Variants in AHNAK observed in about 807,000 individuals in gnomAD.
AHNAK encodes the protein neuroblast differentiation-associated protein AHNAK.
AHNAK carries 23 observed loss-of-function variants against 37.8 expected under a neutral mutation model. That is an observed-to-expected ratio of 0.61 (90% CI 0.44 to 0.86). The LOEUF (loss-of-function observed/expected upper bound fraction) is 0.86. AHNAK is among the 40% of genes least tolerant of loss of function. The pLI, the probability that AHNAK is intolerant of heterozygous loss-of-function variation, is 0.00. For missense variants in AHNAK, 7,411 were observed against 7,319.4 expected (o/e 1.01, Z -0.46); for synonymous variants, 2,481 against 2,636.3 (o/e 0.94, Z 1.80).
At position 62,531,625 on chromosome 11, in the gene AHNAK, C is replaced by T; in HGVS notation, c.2792G>A (p.Gly931Asp). The T allele has an allele frequency of 6.2e-7, 1 of 1,613,212 alleles. No individual in the cohort carries two copies. Among genetic ancestry groups the T allele is most frequent in the Non-Finnish European group, 8.5e-7 (1 of 1,179,830 alleles). The stretch of plus-strand genomic sequence containing the variant: ...CATCTCTGGCATCTTGAACTTGGGG[C>T]CCTTCAGCTTTCCTTCAGGTCCTTC... ...NIEGPEGKLK[G>D]PKFKMPEMNI... The change falls in exon 5 of 5, where the codon GGC becomes GAC. Residue 931 changes from glycine (G) to aspartate (D), a missense_variant. Transcript: ENST00000378024.
chr11:62,524,951 G>T lies in AHNAK; in HGVS notation c.9466C>A (p.Pro3156Thr), dbSNP rs755003462. The change falls in exon 5 of 5, where the codon CCC (proline) becomes ACC (threonine). Residue 3156 changes from proline to threonine, a missense_variant. Physicochemically the swap from Pro to Thr is conservative, Grantham distance 38 (BLOSUM62 -1). Transcript: ENST00000378024. ...WHLKMPKIKM[P>T]KISMPGFKGE... ...TTGAAGCCAGGCATGCTGATCTTGG[G>T]CATTTTTATTTTAGGCATCTTCAGG... 1 of 1,613,758 alleles carries T rather than the reference G, an allele frequency of 6.2e-7. No individual in the cohort carries two copies. The highest frequency in any genetic ancestry group is 1.1e-5 in the South Asian group (1 of 91,062).
At position 62,529,115 on chromosome 11, in the gene AHNAK, T is replaced by C. The variant is rs1940626339; in HGVS notation, c.5302A>G (p.Lys1768Glu). Residue 1768 changes from lysine (K) to glutamate (E), a missense_variant, in exon 5 of 5, where the codon AAA becomes GAA. By Grantham distance (56) the Lys-to-Glu change is moderately conservative (BLOSUM62 1). Transcript: ENST00000378024. ...ATATTCAACTTGGGCATCTTAAATTTGGAGCCTTTCAACTTTCCTTCTGGT... is the reference window on the plus strand; with the variant it reads ...ATATTCAACTTGGGCATCTTAAATTCGGAGCCTTTCAACTTTCCTTCTGGT... ...EGPEGKLKGS[K>E]FKMPKLNIKA... 3 of 1,614,060 alleles carry C rather than the reference T, an allele frequency of 1.9e-6. No individual in the cohort carries two copies. Among genetic ancestry groups the C allele is most frequent in the East Asian group, 2.2e-5 (1 of 44,884 alleles).
Position 62,521,608 on chromosome 11 carries a change from T to C in AHNAK, c.12809A>G (p.Lys4270Arg). 1 of 1,612,652 alleles carries C rather than the reference T, an allele frequency of 6.2e-7. No homozygotes were observed. The highest frequency in any genetic ancestry group is 8.5e-7 in the Non-Finnish European group (1 of 1,179,708). Reference sequence around the variant, plus strand: ...GGAAACATCCACATCACCCTTCACCTTGGGACCTTTCAGATGCAAATCAAA... The same window carrying C: ...GGAAACATCCACATCACCCTTCACCCTGGGACCTTTCAGATGCAAATCAAA... ...PDFDLHLKGP[K>R]VKGDVDVSLP... Residue 4270 changes from lysine (K) to arginine (R), a missense_variant, in exon 5 of 5, where the codon AAG (lysine) becomes AGG (arginine). By Grantham distance (26) the Lys-to-Arg change is conservative. Transcript: ENST00000378024.
At position 62,433,855 on chromosome 11, in the gene AHNAK, A is replaced by G. The variant is rs777639096; in HGVS notation, c.*29T>C. 30 of 1,613,670 alleles carry G rather than the reference A, an allele frequency of 1.9e-5. 1 individual carries two copies. In the Middle Eastern group the frequency reaches 4.9e-4, roughly 27 times the overall value. On this transcript the variant is annotated 3_prime_UTR_variant, in exon 6 of 6. Transcript: ENST00000257247. The stretch of plus-strand genomic sequence containing the variant: ...AAGAACGGTCACAAAAACAACCTTA[A>G]GAGGGGGTGGTTTTCTTCCTGGCCG...
chr11:62,460,059 G>A (rs1390039466), intron 5 of AHNAK, among the ~76,000 whole-genome samples: 1 of 151,494 alleles, frequency 6.6e-6, no homozygotes, highest in Non-Finnish European at 1.5e-5. Flanking sequence ...CGGAGGTAGT[G>A]GTGAGCTGAG....
intron 5 of AHNAK, among the ~76,000 whole-genome samples, chr11:62,436,675 G>A (rs542631002): frequency 1.7e-4 from 26 of 150,576 alleles, no homozygotes; most frequent in Non-Finnish European, 3.7e-4. Context: ...AGTGGCTCAC[G>A]CCTGTAATCC....
intron 5 of AHNAK, among the ~76,000 whole-genome samples, chr11:62,482,051 A>T (rs957810903): frequency 6.6e-6 from 1 of 151,938 alleles, no homozygotes; most frequent in Non-Finnish European, 1.5e-5. Context: ...CCCGTCACTC[A>T]TGTTGTCTAC....
chr11:62,536,135 G>A (rs1940941009), intron 2 of AHNAK, 37 bp from the exon 3 acceptor site: 2 of 1,523,788 alleles, frequency 1.3e-6, no homozygotes, highest in Non-Finnish European at 1.8e-6. Flanking sequence ...GGGGTCAGTG[G>A]GGGTGGGAGG....
At chr11:62,491,931 C>G (rs1939511262) in intron 4 of AHNAK, 17 of 1,019,660 alleles carry the variant, frequency 1.7e-5, no homozygotes, top group Non-Finnish European at 2.3e-5. Context: ...ACCAGAGACC[C>G]CACGTTTACC....
Position 62,531,451 on chromosome 11 carries a change from A to C in AHNAK, c.2966T>G (p.Met989Arg), listed in dbSNP as rs200284970. The change falls in exon 5 of 5, where the codon ATG (methionine) becomes AGG (arginine). Residue 989 changes from methionine (M) to arginine (R), a missense_variant. Physicochemically the swap from Met to Arg is moderately conservative, Grantham distance 91. Coordinates refer to ENST00000378024, the MANE Select transcript of AHNAK (RefSeq NM_001620.3). ...CTTCAAGTTCCAGTCAGGACCCTGC[A>C]TTTCAACATCTGGGGCACTGACATC... is the stretch of plus-strand genomic sequence containing the variant. ...KVDVSAPDVE[M>R]QGPDWNLKMP... 11 of 1,614,094 alleles carry C rather than the reference A, an allele frequency of 6.8e-6. No individual in the cohort carries two copies. Among genetic ancestry groups the C allele is most frequent in the South Asian group, 1.1e-5 (1 of 91,090 alleles).
chr11:62,516,724 T>C lies in AHNAK; in HGVS notation c.*20A>G. The C allele has an allele frequency of 6.3e-7, 1 of 1,585,152 alleles. No homozygotes were observed. ...ATGTTTTGTTATATATATATATATG[T>C]ACACACATACAAAGGCCTGCTACTC... On this transcript the variant is annotated 3_prime_UTR_variant, in exon 5 of 5. Transcript: ENST00000378024.
chr11:62,544,206 G>C (rs1285837275), intron 1 of AHNAK, among the ~76,000 whole-genome samples: 1 of 152,058 alleles, frequency 6.6e-6, no homozygotes, highest in Non-Finnish European at 1.5e-5. Context: ...GATGACTCCG[G>C]GGACCCCCAG....
intron 4 of AHNAK, among the ~76,000 whole-genome samples, chr11:62,506,458 G>T (rs1939813754): frequency 6.6e-6 from 1 of 152,100 alleles, no homozygotes; most frequent in South Asian, 2.1e-4. Context: ...GCCGGCAGGT[G>T]AGGAGATACA....
intron 4 of AHNAK, among the ~76,000 whole-genome samples, chr11:62,504,745 G>A (rs1457278743): frequency 6.6e-6 from 1 of 152,052 alleles, no homozygotes; most frequent in Non-Finnish European, 1.5e-5. Context: ...CCTCCACATA[G>A]GGGTCAAGCG....
At chr11:62,487,999 A>G (rs568320904) in intron 5 of AHNAK, among the ~76,000 whole-genome samples, 8 of 152,284 alleles carry the variant, frequency 5.3e-5, no homozygotes, top group African/African-American at 1.4e-4. Context: ...GGCAAGGAGA[A>G]CTATAATCTT....
In AHNAK at chr11:62,517,350, G is replaced by T; in HGVS notation, c.17067C>A (p.Ala5689=). 1 of 1,614,182 alleles carries T rather than the reference G, an allele frequency of 6.2e-7. No individual in the cohort carries two copies. The highest frequency in any genetic ancestry group is 1.1e-5 in the South Asian group (1 of 91,082). The part of the protein sequence containing the change: ...GVDVHFPKAE[A]SIQAGAGDGE... ...CGTCTCCAGCACCAGCTTGGATGCT[G>T]GCCTCTGCTTTAGGGAAGTGAACAT... is the stretch of plus-strand genomic sequence containing the variant. Residue 5689 remains alanine (A), a synonymous_variant, in exon 5 of 5, where the codon GCC becomes GCA. Transcript: ENST00000378024.
Position 62,533,322 on chromosome 11 carries a change from G to T in AHNAK, c.1095C>A (p.Gly365=). The change falls in exon 5 of 5, where the codon GGC becomes GGA. Residue 365 remains glycine (G), a synonymous_variant. Transcript: ENST00000378024. ...GGGGGCCCTTCAGCTTCCCCTCAAGGCCCTCAATATTGGCAGAGGGCACAC... is the reference window on the plus strand; with the variant it reads ...GGGGGCCCTTCAGCTTCCCCTCAAGTCCCTCAATATTGGCAGAGGGCACAC... ...EVSVPSANIE[G]LEGKLKGPQI... The T allele has an allele frequency of 6.5e-7, 1 of 1,541,682 alleles. No homozygotes were observed. Among genetic ancestry groups the T allele is most frequent in the Non-Finnish European group, 8.7e-7 (1 of 1,147,776 alleles).
In AHNAK at chr11:62,523,591, T is replaced by G. The variant is rs572646512; in HGVS notation, c.10826A>C (p.Lys3609Thr). 1.9e-6 allele frequency: 3 copies of G among 1,614,172 alleles called. No individual in the cohort carries two copies. Among genetic ancestry groups the G allele is most frequent in the Admixed American group, 1.7e-5 (1 of 60,024 alleles). ...TCCTTTGAAGCCAGGCATGCTGAAC[T>G]TGGGCATTTTCACTTTGGGCATCTT... Reference protein sequence around the residue: ...HLKMPKVKMPKFSMPGFKGEG... With the variant: ...HLKMPKVKMPTFSMPGFKGEG... The change falls in exon 5 of 5, where the codon AAG becomes ACG. Residue 3609 changes from lysine to threonine, a missense_variant. Transcript: ENST00000378024.
chr11:62,451,052 G>A (rs1181377900), intron 5 of AHNAK, among the ~76,000 whole-genome samples: 3 of 146,298 alleles, frequency 2.1e-5, no homozygotes, highest in East Asian at 1.9e-4. Context: ...CTAGGCAGGG[G>A]GCAGGCTCAG....
Sources: allele counts gnomAD v4.1 joint callset (sites outside exome capture counted in the v4.1 genomes callset), GRCh38; gene constraint gnomAD v4.1.1; transcripts MANE v1.5; gene names NCBI Gene and HGNC (gene_info 2026-07-23, HGNC 2026-07-21).